The following CPNE4 variants were observed in gnomAD, a reference collection of about 807,000 sequenced individuals.
The protein encoded by CPNE4 is copine-4.
A neutral mutation model predicts 67.9 loss-of-function variants in CPNE4; 25 were observed. The ratio of observed to expected loss-of-function variants is 0.37; its 90% CI spans 0.27 to 0.51. The LOEUF (loss-of-function observed/expected upper bound fraction) is 0.51. Among genes scored for constraint, CPNE4 ranks in the 20% least tolerant of loss-of-function variants. CPNE4 has a pLI of 0.93. For missense variants in CPNE4, 464 were observed against 690.8 expected (o/e 0.67, Z 3.68); for synonymous variants, 242 against 244.9 (o/e 0.99, Z 0.11).
At chr3:131,997,361 T>C (rs557389273) in intron 1 of CPNE4, among the ~76,000 whole-genome samples, 1 of 152,256 alleles carries the variant, frequency 6.6e-6, no homozygotes, top group East Asian at 1.9e-4. Flanking sequence ...AGACGGTTAA[T>C]GCTACAAGCA....
intron 14 of CPNE4, chr3:131,543,013 T>G: frequency 1.9e-6 from 1 of 520,528 alleles, no homozygotes; most frequent in Admixed American, 3.4e-5. Flanking sequence ...TTATAATAAC[T>G]ACCTCACTGA....
chr3:131,988,063 GAGT>G (rs2073097251), intron 1 of CPNE4, among the ~76,000 whole-genome samples: 1 of 152,212 alleles, frequency 6.6e-6, no homozygotes, highest in Non-Finnish European at 1.5e-5. Context: ...CATGTGCTAT[GAGT>G]AGGTGACACA....
chr3:131,739,643 T>C (rs2082314073), intron 2 of CPNE4, among the ~76,000 whole-genome samples: 1 of 152,228 alleles, frequency 6.6e-6, no homozygotes, highest in African/African-American at 2.4e-5. Context: ...TGGATTTAAA[T>C]GGCTTTTCCT....
At chr3:131,665,998 T>C (rs566234564) in intron 7 of CPNE4, among the ~76,000 whole-genome samples, 1 of 152,264 alleles carries the variant, frequency 6.6e-6, no homozygotes, top group African/African-American at 2.4e-5. Flanking sequence ...TGGGTTTTTT[T>C]CTGGTATTAG....
chr3:132,009,056 G>C (rs1397994533), intron 1 of CPNE4, among the ~76,000 whole-genome samples: 2 of 152,208 alleles, frequency 1.3e-5, no homozygotes, highest in African/African-American at 2.4e-5. Context: ...ACAGAATGCA[G>C]TGGGTCACTG....
chr3:131,738,331 T>A (rs2082285465), intron 2 of CPNE4, among the ~76,000 whole-genome samples: 1 of 152,274 alleles, frequency 6.6e-6, no homozygotes, highest in Non-Finnish European at 1.5e-5. Flanking sequence ...TCTTATCTGA[T>A]CTGGCAGTTG....
At chr3:131,729,855 C>A (rs1315445776) in intron 2 of CPNE4, among the ~76,000 whole-genome samples, 1 of 152,150 alleles carries the variant, frequency 6.6e-6, no homozygotes, top group Non-Finnish European at 1.5e-5. Flanking sequence ...CTTTGTTTCT[C>A]CTTAACAACT....
At chr3:131,779,721 C>T (rs1261565039) in intron 2 of CPNE4, among the ~76,000 whole-genome samples, 2 of 151,946 alleles carry the variant, frequency 1.3e-5, no homozygotes, top group Non-Finnish European at 2.9e-5. Flanking sequence ...AAATCTAAAA[C>T]CATAAAAGCC....
chr3:131,601,986 G>T (rs1380236295), intron 7 of CPNE4, among the ~76,000 whole-genome samples: 2 of 148,882 alleles, frequency 1.3e-5, no homozygotes, highest in Non-Finnish European at 3.0e-5. Context: ...ACACTAATTT[G>T]CATTGGAGGA....
chr3:131,847,055 T>A (rs2086027520), intron 2 of CPNE4, among the ~76,000 whole-genome samples: 1 of 152,120 alleles, frequency 6.6e-6, no homozygotes, highest in Non-Finnish European at 1.5e-5. Context: ...ATCTGCCCCA[T>A]CTCCCCTCAG....
In CPNE4 at chr3:131,792,164, A is replaced by G. The variant is rs111524082; in HGVS notation, c.181-68539T>C. Among the ~76,000 whole-genome samples, 728 of 152,150 alleles carry G rather than the reference A, an allele frequency of 4.8e-3. 8 individuals carry two copies. The highest frequency in any genetic ancestry group is 0.017 in the African/African-American group (692 of 41,500). Reference sequence around the variant, plus strand: ...ATGATATAGGGGTGTTGCCATTGAAAAGTTTATTCTTGCCCCCCTCTCATA... The same window carrying G: ...ATGATATAGGGGTGTTGCCATTGAAGAGTTTATTCTTGCCCCCCTCTCATA... On this transcript the variant is annotated intron_variant, in intron 2 of 15. Transcript: ENST00000429747.
intron 1 of CPNE4, among the ~76,000 whole-genome samples, chr3:131,986,474 A>C (rs560353098): frequency 1.3e-5 from 2 of 152,334 alleles, no homozygotes; most frequent in Admixed American, 1.3e-4. Flanking sequence ...TAGGGAAGAT[A>C]AGAGATGAGA....
At chr3:131,956,825 T>C (rs555223191) in intron 1 of CPNE4, among the ~76,000 whole-genome samples, 2 of 152,282 alleles carry the variant, frequency 1.3e-5, no homozygotes, top group Admixed American at 1.3e-4. Flanking sequence ...TTACTTAATT[T>C]TGTTTTAGAA....
At chr3:131,540,967 C>T (rs763352652) in intron 15 of CPNE4, among the ~76,000 whole-genome samples, 10 of 152,250 alleles carry the variant, frequency 6.6e-5, no homozygotes, top group African/African-American at 1.9e-4. Flanking sequence ...ATAAGCTTCA[C>T]GGTACTGAAG....
chr3:131,896,711 C>A (rs1237298097), intron 2 of CPNE4, among the ~76,000 whole-genome samples: 2 of 152,014 alleles, frequency 1.3e-5, no homozygotes, highest in Non-Finnish European at 2.9e-5. Context: ...ACTATCTTCT[C>A]CCTTGATGAA....
intron 1 of CPNE4, among the ~76,000 whole-genome samples, chr3:131,927,198 C>T (rs1006025932): frequency 1.3e-5 from 2 of 152,004 alleles, no homozygotes; most frequent in Non-Finnish European, 2.9e-5. Flanking sequence ...TTTGTTTTCT[C>T]GTTTGTTTTT....
At chr3:131,859,582 A>C (rs555056983) in intron 2 of CPNE4, among the ~76,000 whole-genome samples, 1 of 152,330 alleles carries the variant, frequency 6.6e-6, no homozygotes, top group African/African-American at 2.4e-5. Context: ...CTCCAGGCCA[A>C]TAAAAGTAGA....
chr3:131,794,679 G>A (rs774419871), intron 2 of CPNE4, among the ~76,000 whole-genome samples: 7 of 152,160 alleles, frequency 4.6e-5, no homozygotes, highest in Admixed American at 1.3e-4. Context: ...TATCTTAATA[G>A]GACTTGCATT....
At chr3:131,657,041 T>C (rs1053310512) in intron 7 of CPNE4, among the ~76,000 whole-genome samples, 6 of 152,192 alleles carry the variant, frequency 3.9e-5, no homozygotes, top group Admixed American at 2.0e-4. Flanking sequence ...ATGCCATACT[T>C]AATCATTATT....
Sources: gnomAD v4.1 joint callset for allele counts (sites outside exome capture counted in the v4.1 genomes callset) on GRCh38, gnomAD v4.1.1 for gene constraint, MANE v1.5 for transcripts, NCBI Gene and HGNC (gene_info 2026-07-23, HGNC 2026-07-21) for gene names.